Variants in MAN1A1 observed in about 807,000 individuals in gnomAD.
MAN1A1 encodes the protein mannosyl-oligosaccharide 1,2-alpha-mannosidase IA.
MAN1A1 carries 29 observed loss-of-function variants against 70.8 expected under a neutral mutation model. That is an observed-to-expected ratio of 0.41 (90% CI 0.31 to 0.56). The LOEUF (loss-of-function observed/expected upper bound fraction) is 0.56. Among genes scored for constraint, MAN1A1 ranks in the 20% least tolerant of loss-of-function variants. MAN1A1 has a pLI of 0.29. For missense variants in MAN1A1, 747 were observed against 841.3 expected (o/e 0.89, Z 1.39); for synonymous variants, 349 against 330.1 (o/e 1.06, Z -0.62).
At chr6:119,256,044 C>T (rs1457464487) in intron 5 of MAN1A1, among the ~76,000 whole-genome samples, 1 of 151,916 alleles carries the variant, frequency 6.6e-6, no homozygotes, top group Non-Finnish European at 1.5e-5. Flanking sequence ...TGCTTATTTT[C>T]CTGAAATATT....
At chr6:119,197,740 A>G (rs1217563046) in intron 8 of MAN1A1, among the ~76,000 whole-genome samples, 1 of 152,186 alleles carries the variant, frequency 6.6e-6, no homozygotes, top group Non-Finnish European at 1.5e-5. Flanking sequence ...TCTGGCTAGA[A>G]CACAGAATGG....
At chr6:119,187,478 A>C (rs773437988) in intron 11 of MAN1A1, among the ~76,000 whole-genome samples, 27 of 152,230 alleles carry the variant, frequency 1.8e-4, no homozygotes, top group Admixed American at 5.2e-4. Context: ...ATGACTGATG[A>C]TTAATGATAA....
In MAN1A1 at chr6:119,178,862, G is replaced by C. The variant is rs774631754; in HGVS notation, c.*957C>G. On this transcript the variant is annotated 3_prime_UTR_variant, in exon 13 of 13. Coordinates refer to ENST00000368468, the MANE Select transcript of MAN1A1 (RefSeq NM_005907.4). ...CTGAGAAATCTGAACCAAATAGAATGCTTTATTTTCCAAAGAAAAAAATCA... is the reference window on the plus strand; with the variant it reads ...CTGAGAAATCTGAACCAAATAGAATCCTTTATTTTCCAAAGAAAAAAATCA... 7 of 152,048 alleles carry C rather than the reference G, an allele frequency of 4.6e-5. No individual in the cohort carries two copies. Among genetic ancestry groups the C allele is most frequent in the Non-Finnish European group, 1.0e-4 (7 of 67,956 alleles). The allele number at this position is 152,048 out of a possible 1,614,324, so 9.4% of individuals were successfully genotyped here.
chr6:119,278,630 G>T (rs1451534526), intron 5 of MAN1A1, among the ~76,000 whole-genome samples: 1 of 151,798 alleles, frequency 6.6e-6, no homozygotes, highest in Non-Finnish European at 1.5e-5. Context: ...ATAGATATCT[G>T]TCCCCTCAAA....
chr6:119,343,303 G>C (rs1356423454), intron 2 of MAN1A1, among the ~76,000 whole-genome samples: 1 of 152,128 alleles, frequency 6.6e-6, no homozygotes, highest in Non-Finnish European at 1.5e-5. Context: ...GGGAGACAAT[G>C]CGCAACACTC....
intron 5 of MAN1A1, among the ~76,000 whole-genome samples, chr6:119,255,075 A>G (rs899284907): frequency 6.6e-6 from 1 of 152,210 alleles, no homozygotes; most frequent in Non-Finnish European, 1.5e-5. Context: ...GCTGTAAACA[A>G]GACATATGGT....
At chr6:119,281,994 G>A (rs1776237221) in intron 5 of MAN1A1, among the ~76,000 whole-genome samples, 1 of 152,126 alleles carries the variant, frequency 6.6e-6, no homozygotes. Flanking sequence ...CCTGAGAGGA[G>A]GAGTATGCAG....
intron 5 of MAN1A1, among the ~76,000 whole-genome samples, chr6:119,282,105 T>G (rs1417615250): frequency 6.6e-6 from 1 of 151,714 alleles, no homozygotes; most frequent in African/African-American, 2.4e-5. Flanking sequence ...AACAACTGAA[T>G]TTTCTGACTT....
chr6:119,312,333 A>G (rs1329037611), intron 2 of MAN1A1, among the ~76,000 whole-genome samples: 1 of 152,230 alleles, frequency 6.6e-6, no homozygotes, highest in Non-Finnish European at 1.5e-5. Context: ...AGTAACTTCT[A>G]GAGCTTTCAG....
intron 11 of MAN1A1, 77 bp downstream of exon 11, chr6:119,188,328 A>G (rs1773347727): frequency 7.5e-7 from 1 of 1,330,016 alleles, no homozygotes; most frequent in Non-Finnish European, 1.0e-6. Context: ...AAAGTTGATA[A>G]GCCTGATTTA....
At chr6:119,340,820 A>G (rs911330129) in intron 2 of MAN1A1, among the ~76,000 whole-genome samples, 1 of 152,238 alleles carries the variant, frequency 6.6e-6, no homozygotes, top group African/African-American at 2.4e-5. Context: ...ATGCAAATGA[A>G]AAGTTAATAT....
At chr6:119,245,431 T>A (rs2114316767) in intron 6 of MAN1A1, among the ~76,000 whole-genome samples, 1 of 152,286 alleles carries the variant, frequency 6.6e-6, no homozygotes, top group East Asian at 1.9e-4. Flanking sequence ...AGTATATATG[T>A]ACAAATGACA....
Position 119,177,357 on chromosome 6 carries a change from C to T in MAN1A1, c.*2462G>A, listed in dbSNP as rs1027664388. On this transcript the variant is annotated 3_prime_UTR_variant, in exon 13 of 13. Coordinates refer to ENST00000368468, the MANE Select transcript of MAN1A1 (RefSeq NM_005907.4). The stretch of plus-strand genomic sequence containing the variant: ...GATTTATGTAAAAATAAAAAACAAT[C>T]AATGTACACAATGTGTAGCTCATAT... The T allele has an allele frequency of 4.6e-5, 7 of 152,086 alleles. No individual in the cohort carries two copies. Among genetic ancestry groups the T allele is most frequent in the Admixed American group, 1.3e-4 (2 of 15,276 alleles). The allele number at this position is 152,086 out of a possible 1,614,324, so 9.4% of individuals were successfully genotyped here. A position where few individuals can be genotyped will look rare whatever the true frequency, so the allele number is the denominator to read the frequency against.
intron 11 of MAN1A1, among the ~76,000 whole-genome samples, chr6:119,181,781 G>A (rs1157528577): frequency 2.6e-5 from 4 of 152,098 alleles, no homozygotes; most frequent in Non-Finnish European, 4.4e-5. Flanking sequence ...ATACTGGAAG[G>A]TGTACAGTGT....
At chr6:119,313,456 C>A (rs1772767139) in intron 2 of MAN1A1, among the ~76,000 whole-genome samples, 1 of 152,152 alleles carries the variant, frequency 6.6e-6, no homozygotes, top group Non-Finnish European at 1.5e-5. Context: ...ACATGCTTTG[C>A]TCTTTCAAAT....
At chr6:119,239,433 C>G (rs184152514) in intron 6 of MAN1A1, among the ~76,000 whole-genome samples, 9 of 152,240 alleles carry the variant, frequency 5.9e-5, no homozygotes, top group Admixed American at 5.9e-4. Flanking sequence ...TCAACTATAA[C>G]TATTACTGCA....
intron 6 of MAN1A1, among the ~76,000 whole-genome samples, chr6:119,206,001 G>A (rs6911818): frequency 0.021 from 3,211 of 152,286 alleles, 99 homozygotes; most frequent in African/African-American, 0.07. Context: ...ATCTAAAGCT[G>A]GGACACACAA....
intron 2 of MAN1A1, among the ~76,000 whole-genome samples, chr6:119,317,267 A>C: frequency 6.6e-6 from 1 of 152,152 alleles, no homozygotes; most frequent in East Asian, 1.9e-4. Context: ...TCCATGATTT[A>C]CATTAAGGCT....
At chr6:119,266,713 T>C (rs182167215) in intron 5 of MAN1A1, among the ~76,000 whole-genome samples, 23 of 152,178 alleles carry the variant, frequency 1.5e-4, no homozygotes, top group Middle Eastern at 3.4e-3. Flanking sequence ...ACTAAAAGCA[T>C]GATCCATGAA....
Sources: gnomAD v4.1 joint callset for allele counts (sites outside exome capture counted in the v4.1 genomes callset) on GRCh38, gnomAD v4.1.1 for gene constraint, MANE v1.5 for transcripts, NCBI Gene and HGNC (gene_info 2026-07-23, HGNC 2026-07-21) for gene names.